Variants in GLG1 observed in about 807,000 individuals in gnomAD.
GLG1 encodes the protein golgi glycoprotein 1.
GLG1 carries 38 observed loss-of-function variants against 160.5 expected under a neutral mutation model. The observed-to-expected ratio is 0.24, with a 90% CI of 0.18 to 0.31. The LOEUF (loss-of-function observed/expected upper bound fraction) is 0.31, where lower values mean the gene tolerates loss of function less well. Among genes scored for constraint, GLG1 ranks in the 10% least tolerant of loss-of-function variants. The probability of loss-of-function intolerance (pLI) is 1.00; values close to 1 mark genes in which losing one functional copy is unlikely to be tolerated. For synonymous variants in GLG1, 644 were observed against 543.4 expected, an observed-to-expected ratio of 1.19 and a Z score of -2.57; for missense variants, 1,373 against 1,505.2, an observed-to-expected ratio of 0.91 and a Z score of 1.45.
rs931561320 is a variant in GLG1 at position 74,564,132 on chromosome 16, G to A, written c.439-31979C>T. Among the ~76,000 whole-genome samples the A allele has an allele frequency of 1.2e-4, 19 of 152,224 alleles. 1 individual carries two copies. Among genetic ancestry groups the A allele is most frequent in the African/African-American group, 3.6e-4 (15 of 41,552 alleles). Reference sequence around the variant, plus strand: ...GACAGGGTCTTGCTATGTTGCCTACGCTGTCTTGAACTCCTGGCCTCAGGG... The same window carrying A: ...GACAGGGTCTTGCTATGTTGCCTACACTGTCTTGAACTCCTGGCCTCAGGG... On this transcript the variant is annotated intron_variant, in intron 1 of 25. Coordinates refer to ENST00000422840, the MANE Select transcript of GLG1 (RefSeq NM_001145667.2).
In GLG1 at chr16:74,462,097, G is replaced by A. The variant is rs767163694; in HGVS notation, c.3033C>T (p.Asp1011=). The A allele has an allele frequency of 1.3e-5, 20 of 1,560,020 alleles. No individual in the cohort carries two copies. Among genetic ancestry groups the A allele is most frequent in the Admixed American group, 5.0e-5 (3 of 59,442 alleles). The change falls in exon 22 of 26, where the codon GAC becomes GAT. Residue 1011 remains aspartate, a synonymous_variant. Transcript: ENST00000422840. ...CAGTTTTGCACGCAAATCCCACCTC[G>A]TCTGAGCAGTGCAGCTGGAGCTGAG... is the stretch of plus-strand genomic sequence containing the variant. ...LDPQLQLHCS[D]EISSLCAEEA...
rs555012995 is a variant in GLG1 at position 74,456,774 on chromosome 16, A to G, written c.3266-19T>C. On this transcript the variant is annotated intron_variant, in intron 24 of 25. Coordinates refer to ENST00000422840, the MANE Select transcript of GLG1 (RefSeq NM_001145667.2). ...GACATTTCTGTGGGAGGAAATGAAT[A>G]ATAAGAAGAACCTGAAACTGTACAG... is the stretch of plus-strand genomic sequence containing the variant. 2.5e-5 allele frequency: 35 copies of G among 1,402,436 alleles called. No individual in the cohort carries two copies. The South Asian group carries it at 3.7e-4, about 15-fold the overall frequency. 86.9% of individuals were successfully genotyped at this position (1,402,436 alleles called of 1,614,324 possible).
rs548461001 is a variant in GLG1 at position 74,478,013 on chromosome 16, T to TAAATAAATAAATAAATAAATAAAA, written c.1828-481_1828-480insTTTTATTTATTTATTTATTTATTT. The stretch of plus-strand genomic sequence containing the variant: ...ATAAATAAATAAATAAATAAATAAA[T>TAAATAAATAAATAAATAAATAAAA]AAAATGTGCAAGAGGCTTCGAAAAG... On this transcript the variant is annotated intron_variant, in intron 11 of 25. Coordinates refer to ENST00000422840, the MANE Select transcript of GLG1 (RefSeq NM_001145667.2). 8.0e-5 allele frequency among the ~76,000 whole-genome samples: 12 copies of TAAATAAATAAATAAATAAATAAAA among 150,516 alleles called. No homozygotes were observed. The South Asian group carries it at 2.3e-3, about 29-fold the overall frequency.
chr16:74,499,935 G>A (rs377455308), intron 4 of GLG1, among the ~76,000 whole-genome samples: 112 of 152,216 alleles, frequency 7.4e-4, no homozygotes, highest in African/African-American at 2.6e-3. Context: ...CCTGGGAGGC[G>A]GAACTTGCAG....
At chr16:74,526,578 G>A (rs1209643061) in intron 2 of GLG1, among the ~76,000 whole-genome samples, 2 of 151,362 alleles carry the variant, frequency 1.3e-5, no homozygotes, top group Admixed American at 1.3e-4. Context: ...ACAAAAATTA[G>A]CAGGGCATGG....
chr16:74,465,255 A>G (rs1279401418), intron 19 of GLG1, among the ~76,000 whole-genome samples: 2 of 152,254 alleles, frequency 1.3e-5, no homozygotes, highest in Non-Finnish European at 2.9e-5. Flanking sequence ...ACAACCTGTA[A>G]AACAGAAAAA....
chr16:74,564,125 T>C (rs2018585133), intron 1 of GLG1, among the ~76,000 whole-genome samples: 1 of 152,152 alleles, frequency 6.6e-6, no homozygotes, highest in African/African-American at 2.4e-5. Context: ...CTTGCTATGT[T>C]GCCTACGCTG....
At chr16:74,503,173 C>T (rs979625658) in intron 4 of GLG1, among the ~76,000 whole-genome samples, 38 of 152,076 alleles carry the variant, frequency 2.5e-4, no homozygotes, top group African/African-American at 7.0e-4. Context: ...CACCACTGTA[C>T]TCCAGCCTGG....
At chr16:74,552,594 G>A (rs1004278553) in intron 1 of GLG1, 102 of 214,324 alleles carry the variant, frequency 4.8e-4, no homozygotes, top group African/African-American at 2.1e-3. Flanking sequence ...TGAGCAACCC[G>A]CAAAGCTCAC....
chr16:74,567,759 G>A (rs1037096394), intron 1 of GLG1, among the ~76,000 whole-genome samples: 44 of 150,626 alleles, frequency 2.9e-4, no homozygotes, highest in Non-Finnish European at 5.2e-4. Context: ...TAGTAGAGAC[G>A]GGGTTTCACC....
At chr16:74,546,837 CAAAAAAA>C (rs71376218) in intron 1 of GLG1, among the ~76,000 whole-genome samples, 16,936 of 60,132 alleles carry the variant, frequency 0.28, 1,762 homozygotes, top group Middle Eastern at 0.5. Context: ...GACTCCATCT[CAAAAAAA>C]AAAAAAAAAA....
At chr16:74,470,556 C>A (rs1340243614) in intron 15 of GLG1, among the ~76,000 whole-genome samples, 1 of 146,872 alleles carries the variant, frequency 6.8e-6, no homozygotes, top group East Asian at 2.0e-4. Context: ...TCAAGTGATT[C>A]TCCTGCCTCA....
At chr16:74,484,592 C>T (rs1037665475) in intron 9 of GLG1, among the ~76,000 whole-genome samples, 2 of 151,958 alleles carry the variant, frequency 1.3e-5, no homozygotes, top group Admixed American at 1.3e-4. Context: ...AAAACCCTGT[C>T]TCTACTAAAA....
chr16:74,461,865 A>C, intron 22 of GLG1: 1 of 431,768 alleles, frequency 2.3e-6, no homozygotes, highest in South Asian at 4.4e-5. Flanking sequence ...ATGAAAGAAC[A>C]CCCTTGTTCA....
chr16:74,496,785 C>T (rs1388427806), intron 4 of GLG1, 141 bp from the exon 5 acceptor site: 10 of 622,520 alleles, frequency 1.6e-5, no homozygotes, highest in Admixed American at 7.9e-5. Context: ...GACTTATTAA[C>T]GTTCTACCAA....
intron 1 of GLG1, among the ~76,000 whole-genome samples, chr16:74,568,366 A>C (rs1441435168): frequency 4.6e-5 from 7 of 152,018 alleles, no homozygotes. Context: ...TGAACTTTTT[A>C]CTTAAATCTC....
intron 20 of GLG1, chr16:74,462,846 T>C: frequency 3.5e-6 from 2 of 573,724 alleles, no homozygotes; most frequent in South Asian, 4.2e-5. Context: ...CAGGAATCTT[T>C]CTACTCTGCG....
At chr16:74,509,538 C>CTTCA (rs1555511561) in intron 2 of GLG1, among the ~76,000 whole-genome samples, 1 of 151,788 alleles carries the variant, frequency 6.6e-6, no homozygotes, top group Non-Finnish European at 1.5e-5. Flanking sequence ...GCATATTTAT[C>CTTCA]TTCATTCATT....
intron 1 of GLG1, among the ~76,000 whole-genome samples, chr16:74,536,215 G>A (rs948494909): frequency 2.0e-5 from 3 of 152,194 alleles, no homozygotes; most frequent in Admixed American, 6.5e-5. Flanking sequence ...ATCAGATATA[G>A]TACATCTATT....
Sources: gnomAD v4.1 joint callset for allele counts (sites outside exome capture counted in the v4.1 genomes callset) on GRCh38, gnomAD v4.1.1 for gene constraint, MANE v1.5 for transcripts, NCBI Gene and HGNC (gene_info 2026-07-23, HGNC 2026-07-21) for gene names.